The following SLC26A8 variants were observed in gnomAD, a reference collection of about 807,000 sequenced individuals.
SLC26A8 encodes the protein solute carrier family 26 member 8, also known as testis anion transporter 1.
SLC26A8 carries 70 observed loss-of-function variants against 105.0 expected under a neutral mutation model. The ratio of observed to expected loss-of-function variants is 0.67; its 90% CI spans 0.55 to 0.81. The LOEUF is 0.81. Among genes scored for constraint, SLC26A8 ranks in the 40% least tolerant of loss-of-function variants. The pLI, the probability that SLC26A8 is intolerant of heterozygous loss-of-function variation, is 0.00. For synonymous variants in SLC26A8, 415 were observed against 438.3 expected, an observed-to-expected ratio of 0.95 and a Z score of 0.66; for missense variants, 998 against 1,181.8, an observed-to-expected ratio of 0.84 and a Z score of 2.28.
At chr6:35,978,844 CTT>C (rs370881691) in intron 8 of SLC26A8, among the ~76,000 whole-genome samples, 7 of 140,814 alleles carry the variant, frequency 5.0e-5, no homozygotes, top group African/African-American at 2.6e-5. Context: ...TCTTCTTCTT[CTT>C]TTTTTTTTTT....
rs1474062438 is a variant in SLC26A8, at chr6:35,962,519, C to T, written c.1461+7G>A. On this transcript the variant is annotated splice_region_variant and intron_variant, in intron 12 of 19. Transcript: ENST00000490799. The stretch of plus-strand genomic sequence containing the variant: ...TCCCCTTCCTCAGCCAGGGCATCTA[C>T]ACTCACACAGTCATATTGGTCCTGC... 15 of 1,612,328 alleles carry T rather than the reference C, an allele frequency of 9.3e-6. No individual in the cohort carries two copies. In the South Asian group the frequency reaches 1.3e-4, roughly 14 times the overall value.
chr6:35,984,082 C>A (rs1486391834), intron 7 of SLC26A8, among the ~76,000 whole-genome samples: 1 of 152,238 alleles, frequency 6.6e-6, no homozygotes, highest in Non-Finnish European at 1.5e-5. Flanking sequence ...ACTGTGTCCC[C>A]ATCACTTGAC....
intron 11 of SLC26A8, among the ~76,000 whole-genome samples, chr6:35,966,125 C>T (rs985910554): frequency 7.2e-5 from 11 of 152,050 alleles, no homozygotes; most frequent in Admixed American, 3.9e-4. Flanking sequence ...CTAATCTTAC[C>T]ACGAGGAATG....
At chr6:35,970,433 C>T (rs1437254912) in intron 10 of SLC26A8, among the ~76,000 whole-genome samples, 4 of 152,086 alleles carry the variant, frequency 2.6e-5, no homozygotes, top group African/African-American at 9.7e-5. Flanking sequence ...AGGAAGTACT[C>T]AGGAAAATGG....
intron 7 of SLC26A8, among the ~76,000 whole-genome samples, chr6:35,985,339 C>T (rs570833926): frequency 6.6e-6 from 1 of 152,252 alleles, no homozygotes; most frequent in East Asian, 1.9e-4. Context: ...AGACCTGTGT[C>T]AGATACATCT....
intron 5 of SLC26A8, among the ~76,000 whole-genome samples, chr6:35,993,156 A>AATT (rs1562054653): frequency 8.0e-5 from 7 of 87,554 alleles, no homozygotes; most frequent in Non-Finnish European, 6.6e-5. Flanking sequence ...CACACTGGGC[A>AATT]TTTTTTTTTT....
chr6:35,946,196 A>T lies in SLC26A8; in HGVS notation c.2473-1856T>A, dbSNP rs147650839. On this transcript the variant is annotated intron_variant, in intron 19 of 19. Transcript: ENST00000490799. ...TCATAAATTCACTTCCATTCTTGAC[A>T]TCTCCATTTGAATGTTTAATAGGCC... is the stretch of plus-strand genomic sequence containing the variant. 4.6e-5 allele frequency among the ~76,000 whole-genome samples: 7 copies of T among 152,112 alleles called. No homozygotes were observed. In the East Asian group the frequency reaches 1.4e-3, roughly 29 times the overall value.
chr6:36,018,823 A>G (rs936836973), intron 2 of SLC26A8, among the ~76,000 whole-genome samples: 19 of 152,212 alleles, frequency 1.2e-4, no homozygotes, highest in African/African-American at 4.1e-4. Flanking sequence ...TGGTGGTGGT[A>G]GATTCTACCT....
intron 3 of SLC26A8, among the ~76,000 whole-genome samples, chr6:36,010,502 TGTG>T (rs1223267506): frequency 6.6e-6 from 1 of 151,716 alleles, no homozygotes; most frequent in African/African-American, 2.4e-5. Flanking sequence ...CTGCATCAAT[TGTG>T]GTGGTGGTTA....
intron 19 of SLC26A8, among the ~76,000 whole-genome samples, chr6:35,949,696 GT>G (rs1771793793): frequency 6.6e-6 from 1 of 151,868 alleles, no homozygotes; most frequent in African/African-American, 2.4e-5. Context: ...TCCATTTATA[GT>G]AAAAGCAGAC....
intron 7 of SLC26A8, among the ~76,000 whole-genome samples, chr6:35,984,272 T>C (rs1773395573): frequency 6.6e-6 from 1 of 151,914 alleles, no homozygotes; most frequent in Non-Finnish European, 1.5e-5. Flanking sequence ...ATTTATAGCA[T>C]TCTCCAAAGG....
chr6:35,972,706 A>G (rs1370099980), intron 10 of SLC26A8, among the ~76,000 whole-genome samples: 1 of 152,222 alleles, frequency 6.6e-6, no homozygotes, highest in Non-Finnish European at 1.5e-5. Flanking sequence ...TGCACAGATG[A>G]ACAAGGTGGC....
chr6:35,949,544 G>A (rs1250449887), intron 19 of SLC26A8, among the ~76,000 whole-genome samples: 1 of 151,902 alleles, frequency 6.6e-6, no homozygotes, highest in African/African-American at 2.4e-5. Context: ...TAGAAAATGT[G>A]TCTTATTTAC....
intron 9 of SLC26A8, 25 bp downstream of exon 9, chr6:35,977,179 T>C: frequency 6.2e-7 from 1 of 1,602,730 alleles, no homozygotes; most frequent in Non-Finnish European, 8.5e-7. Flanking sequence ...GAGTTAAGGA[T>C]CAGAGGAAGT....
rs551049596 is a variant in SLC26A8 at position 35,986,286 on chromosome 6, G to A, written c.943-4083C>T. On this transcript the variant is annotated intron_variant, in intron 7 of 19. Coordinates refer to ENST00000490799, the MANE Select transcript of SLC26A8 (RefSeq NM_052961.4). ...TGACCTCAGGTGATCCACGCGCCTCGGCCTCCCAAAGTGCTGAAATTACAG... is the reference window on the plus strand; with the variant it reads ...TGACCTCAGGTGATCCACGCGCCTCAGCCTCCCAAAGTGCTGAAATTACAG... 9.2e-5 allele frequency among the ~76,000 whole-genome samples: 14 copies of A among 152,062 alleles called. No individual in the cohort carries two copies. The East Asian group carries it at 9.6e-4, about 10-fold the overall frequency.
chr6:35,989,761 T>C (rs898827985), intron 7 of SLC26A8: 1 of 152,138 alleles, frequency 6.6e-6, no homozygotes, highest in Admixed American at 6.6e-5. Flanking sequence ...AAGATAGGCA[T>C]CATTAGGAGA....
At chr6:36,016,333 G>A (rs935658310) in intron 2 of SLC26A8, among the ~76,000 whole-genome samples, 15 of 152,064 alleles carry the variant, frequency 9.9e-5, no homozygotes, top group Non-Finnish European at 1.5e-4. Context: ...CAAGGAGTCT[G>A]TAGATAGTAT....
chr6:35,955,635 C>A, intron 16 of SLC26A8, 115 bp from the exon 17 acceptor site: 1 of 1,336,346 alleles, frequency 7.5e-7, no homozygotes, highest in South Asian at 1.4e-5. Flanking sequence ...CATGAAACTT[C>A]TCCCGAGAGT....
chr6:35,951,981 T>C (rs776452719), intron 17 of SLC26A8, among the ~76,000 whole-genome samples: 31 of 152,314 alleles, frequency 2.0e-4, no homozygotes, highest in Admixed American at 5.2e-4. Context: ...GAGTTCTCTA[T>C]GCCGGAAAAC....
Sources: allele counts gnomAD v4.1 joint callset (sites outside exome capture counted in the v4.1 genomes callset), GRCh38; gene constraint gnomAD v4.1.1; transcripts MANE v1.5; gene names NCBI Gene and HGNC (gene_info 2026-07-23, HGNC 2026-07-21).